The following CNTNAP2 variants were observed in gnomAD, a reference collection of about 807,000 sequenced individuals.
CNTNAP2 encodes contactin associated protein 2.
Under a neutral mutation model 155.2 loss-of-function variants are expected in CNTNAP2, and 98 were observed. The observed-to-expected ratio is 0.63, with a 90% CI of 0.54 to 0.75. The LOEUF is 0.75. CNTNAP2 is among the 30% of genes least tolerant of loss of function. The probability of loss-of-function intolerance (pLI) is 0.00; values close to 1 mark genes in which losing one functional copy is unlikely to be tolerated. For synonymous variants in CNTNAP2, 651 were observed against 631.2 expected, an observed-to-expected ratio of 1.03 and a Z score of -0.47; for missense variants, 1,727 against 1,688.1, an observed-to-expected ratio of 1.02 and a Z score of -0.40.
chr7:146,885,969 G>GTGTGTA (rs58416508), intron 3 of CNTNAP2, among the ~76,000 whole-genome samples: 1 of 131,162 alleles, frequency 7.6e-6, no homozygotes, highest in Non-Finnish European at 1.7e-5. Flanking sequence ...GTGTGTGTGT[G>GTGTGTA]TGTGTATGTG....
intron 11 of CNTNAP2, among the ~76,000 whole-genome samples, chr7:147,547,390 C>A (rs754135194): frequency 3.3e-5 from 5 of 152,062 alleles, no homozygotes; most frequent in Non-Finnish European, 7.3e-5. Context: ...GCTGCGGTTG[C>A]TTAATCACCA....
chr7:146,780,151 C>T (rs1802458983), intron 2 of CNTNAP2, among the ~76,000 whole-genome samples: 1 of 151,872 alleles, frequency 6.6e-6, no homozygotes, highest in African/African-American at 2.4e-5. Context: ...AAAAGTGTTC[C>T]TATTTCTCCA....
rs1050927049 is a variant in CNTNAP2, at chr7:147,331,102, A to C, written c.1498+30812A>C. 3.3e-5 allele frequency among the ~76,000 whole-genome samples: 5 copies of C among 152,132 alleles called. No homozygotes were observed. In the South Asian group the frequency reaches 8.3e-4, roughly 25 times the overall value. On this transcript the variant is annotated intron_variant, in intron 9 of 23. Transcript: ENST00000361727. ...CCTAGGTATATTTGCCTTAGCTTTT[A>C]ACCAGAATATCAGAGTGGTCCAAGC...
At chr7:146,387,201 G>T (rs1232009480) in intron 1 of CNTNAP2, among the ~76,000 whole-genome samples, 1 of 152,172 alleles carries the variant, frequency 6.6e-6, no homozygotes, top group Non-Finnish European at 1.5e-5. Context: ...TTCCAAGTGA[G>T]GTCTGGGGCT....
intron 1 of CNTNAP2, among the ~76,000 whole-genome samples, chr7:146,525,836 C>T (rs897418367): frequency 2.0e-5 from 3 of 152,034 alleles, no homozygotes; most frequent in Non-Finnish European, 4.4e-5. Context: ...TATCAGCTCC[C>T]TTACCTCATC....
intron 1 of CNTNAP2, among the ~76,000 whole-genome samples, chr7:146,304,888 C>T (rs934878505): frequency 1.4e-4 from 22 of 152,070 alleles, no homozygotes; most frequent in African/African-American, 5.1e-4. Context: ...CCATTCTCCC[C>T]CTCACTTTCA....
chr7:146,965,632 A>G (rs1797642667), intron 3 of CNTNAP2, among the ~76,000 whole-genome samples: 1 of 152,054 alleles, frequency 6.6e-6, no homozygotes, highest in South Asian at 2.1e-4. Flanking sequence ...TTAGGTGGGA[A>G]ATAGAAGAGG....
intron 1 of CNTNAP2, among the ~76,000 whole-genome samples, chr7:146,204,498 C>T (rs114915522): frequency 0.015 from 2,241 of 151,998 alleles, 63 homozygotes; most frequent in African/African-American, 0.051. Flanking sequence ...TATTTACATG[C>T]CTAGTTTACA....
chr7:147,219,887 T>C (rs1803355019), intron 8 of CNTNAP2, among the ~76,000 whole-genome samples: 1 of 151,652 alleles, frequency 6.6e-6, no homozygotes, highest in Admixed American at 6.6e-5. Context: ...GCCATGCTTC[T>C]GCCTCAGCCT....
At chr7:146,804,666 T>C (rs1425122164) in intron 2 of CNTNAP2, among the ~76,000 whole-genome samples, 1 of 152,206 alleles carries the variant, frequency 6.6e-6, no homozygotes, top group Non-Finnish European at 1.5e-5. Context: ...CTTCAGCTCT[T>C]GGAAAAATAA....
chr7:148,179,539 G>GGGAGAGAGGGAGAGA (rs1794999205), intron 18 of CNTNAP2, among the ~76,000 whole-genome samples: 1 of 140,252 alleles, frequency 7.1e-6, no homozygotes, highest in African/African-American at 3.0e-5. Flanking sequence ...GAGAGAGGGA[G>GGGAGAGAGGGAGAGA]TGAGAGAGGG....
At chr7:146,602,496 T>C (rs1798966123) in intron 1 of CNTNAP2, among the ~76,000 whole-genome samples, 1 of 152,208 alleles carries the variant, frequency 6.6e-6, no homozygotes, top group Non-Finnish European at 1.5e-5. Flanking sequence ...TCAATTTCCA[T>C]TTCCACAAAG....
chr7:147,442,164 T>G (rs2116550790), intron 10 of CNTNAP2, among the ~76,000 whole-genome samples: 1 of 152,260 alleles, frequency 6.6e-6, no homozygotes, highest in Admixed American at 6.5e-5. Context: ...GTCAACAAAC[T>G]TAAATGTCTA....
At chr7:146,486,913 T>C (rs1797067148) in intron 1 of CNTNAP2, among the ~76,000 whole-genome samples, 1 of 152,194 alleles carries the variant, frequency 6.6e-6, no homozygotes. Context: ...TAAGAAAACA[T>C]TGCATCTTTT....
Position 146,934,030 on chromosome 7 carries a change from T to C in CNTNAP2, c.402+94126T>C, listed in dbSNP as rs1487487017. On this transcript the variant is annotated intron_variant, in intron 3 of 23. Coordinates refer to ENST00000361727, the MANE Select transcript of CNTNAP2 (RefSeq NM_014141.6). Reference sequence around the variant, plus strand: ...AGTTCAACCCTTGTGGAAGTCAGTGTGGCGTTTCCTCAGGGATCTAGAACT... The same window carrying C: ...AGTTCAACCCTTGTGGAAGTCAGTGCGGCGTTTCCTCAGGGATCTAGAACT... Among the ~76,000 whole-genome samples, 3 of 152,180 alleles carry C rather than the reference T, an allele frequency of 2.0e-5. 1 individual carries two copies. The East Asian group carries it at 5.8e-4, about 29-fold the overall frequency.
intron 13 of CNTNAP2, among the ~76,000 whole-genome samples, chr7:147,809,120 A>G (rs1202165291): frequency 6.6e-6 from 1 of 152,216 alleles, no homozygotes; most frequent in Admixed American, 6.5e-5. Flanking sequence ...TGGCAGCACG[A>G]GCAGGCAGCT....
intron 8 of CNTNAP2, among the ~76,000 whole-genome samples, chr7:147,271,129 G>A (rs933455523): frequency 4.6e-5 from 7 of 152,266 alleles, no homozygotes; most frequent in Non-Finnish European, 7.4e-5. Flanking sequence ...GTAGTTTCAC[G>A]AAAGAACAAC....
intron 9 of CNTNAP2, among the ~76,000 whole-genome samples, chr7:147,301,691 T>C (rs547383095): frequency 6.6e-6 from 1 of 151,322 alleles, no homozygotes; most frequent in East Asian, 2.0e-4. Flanking sequence ...ACCTTGTTTA[T>C]CTCATACCCT....
At chr7:147,626,053 A>G (rs1333911656) in intron 12 of CNTNAP2, among the ~76,000 whole-genome samples, 2 of 152,136 alleles carry the variant, frequency 1.3e-5, no homozygotes, top group Non-Finnish European at 2.9e-5. Flanking sequence ...ATGATATCTT[A>G]TAGGGGCCCT....
Sources: gnomAD v4.1 joint callset for allele counts (sites outside exome capture counted in the v4.1 genomes callset) on GRCh38, gnomAD v4.1.1 for gene constraint, MANE v1.5 for transcripts, NCBI Gene and HGNC (gene_info 2026-07-23, HGNC 2026-07-21) for gene names.